Variants in NAPG observed in about 807,000 individuals in gnomAD.
The protein encoded by NAPG is NSF attachment protein gamma, also known as gamma-soluble NSF attachment protein.
NAPG carries 25 observed loss-of-function variants against 48.4 expected under a neutral mutation model. The ratio of observed to expected loss-of-function variants is 0.52; its 90% CI spans 0.38 to 0.72. The LOEUF is 0.72. Ranked by LOEUF, NAPG falls within the 30% of genes least tolerant of loss-of-function variation. The pLI, the probability that NAPG is intolerant of heterozygous loss-of-function variation, is 0.00. For synonymous variants in NAPG, 139 were observed against 127.2 expected, an observed-to-expected ratio of 1.09 and a Z score of -0.62; for missense variants, 359 against 372.5, an observed-to-expected ratio of 0.96 and a Z score of 0.30.
intron 1 of NAPG, 89 bp downstream of exon 1, chr18:10,526,247 A>AC: frequency 2.3e-6 from 1 of 427,578 alleles, no homozygotes; most frequent in Non-Finnish European, 4.5e-6. Flanking sequence ...GGCGGGAGGG[A>AC]GGGCTCAGGG....
chr18:10,531,773 T>G (rs1406325308), intron 2 of NAPG, among the ~76,000 whole-genome samples: 1 of 152,240 alleles, frequency 6.6e-6, no homozygotes, highest in Non-Finnish European at 1.5e-5. Context: ...TGAGGGAAAT[T>G]TAACACAGAT....
At chr18:10,527,460 C>G (rs924103997) in intron 1 of NAPG, among the ~76,000 whole-genome samples, 1 of 152,112 alleles carries the variant, frequency 6.6e-6, no homozygotes, top group Non-Finnish European at 1.5e-5. Context: ...CTGGGGCTCT[C>G]CTGGTGCAGG....
chr18:10,526,285 G>A, intron 1 of NAPG, 127 bp downstream of exon 1: 3 of 721,456 alleles, frequency 4.2e-6, no homozygotes, highest in Non-Finnish European at 6.8e-6. Context: ...GCTGGTGCCC[G>A]CAGGGCTGCC....
chr18:10,532,900 T>C (rs652521), intron 3 of NAPG, 105 bp downstream of exon 3: 332,559 of 963,414 alleles, frequency 0.35, 58,217 homozygotes, highest in East Asian at 0.46. Flanking sequence ...TAAAATGTTT[T>C]TAAATTAGAA....
chr18:10,538,378 C>T (rs1035974574), intron 5 of NAPG, among the ~76,000 whole-genome samples: 2 of 152,112 alleles, frequency 1.3e-5, no homozygotes, highest in Non-Finnish European at 2.9e-5. Flanking sequence ...CCTGCTGATG[C>T]CGTAGCTTTT....
rs377517840 is a variant in NAPG at position 10,537,847 on chromosome 18, C to A, written c.259-1915C>A. 1.4e-4 allele frequency among the ~76,000 whole-genome samples: 22 copies of A among 152,110 alleles called. No homozygotes were observed. The East Asian group carries it at 2.9e-3, about 20-fold the overall frequency. ...CTTATTTCATACAGTGTCTTTCAGT[C>A]TGTGTTATTGTTAGTTTCCATAGCT... On this transcript the variant is annotated intron_variant, in intron 5 of 11. Coordinates refer to ENST00000322897, the MANE Select transcript of NAPG (RefSeq NM_003826.3).
intron 8 of NAPG, among the ~76,000 whole-genome samples, chr18:10,540,973 A>G (rs1286626903): frequency 2.6e-5 from 4 of 152,338 alleles, no homozygotes; most frequent in South Asian, 2.1e-4. Flanking sequence ...AATATTTAAG[A>G]TAAACATCTC....
At position 10,539,919 on chromosome 18, in the gene NAPG, T is replaced by C; in HGVS notation, c.368+48T>C. On this transcript the variant is annotated intron_variant, in intron 6 of 11. Transcript: ENST00000322897. The surrounding 1 kb of genome is among the most constrained non-coding windows in gnomAD (Gnocchi z 4.7). ...TCTGCATAGAAGTCTTGTCTTTTTG[T>C]TTTAAAGAGGTCCCTGAAAAACAAG... The C allele has an allele frequency of 1.9e-6, 3 of 1,609,176 alleles. No individual in the cohort carries two copies. Among genetic ancestry groups the C allele is most frequent in the Non-Finnish European group, 1.7e-6 (2 of 1,176,320 alleles).
At chr18:10,545,293 C>T (rs2143139553) in intron 8 of NAPG, among the ~76,000 whole-genome samples, 1 of 152,234 alleles carries the variant, frequency 6.6e-6, no homozygotes, top group African/African-American at 2.4e-5. Flanking sequence ...GCCTGGGCAA[C>T]AGAGTGAGAC....
In NAPG at chr18:10,534,359, C is replaced by G. The variant is rs2031989831; in HGVS notation, c.228-107C>G. ...CTGAAGTGATATGTTGTGCATGAGCCCATTGTAATTGAAGTCACTTTCCTT... is the reference window on the plus strand; with the variant it reads ...CTGAAGTGATATGTTGTGCATGAGCGCATTGTAATTGAAGTCACTTTCCTT... On this transcript the variant is annotated intron_variant, in intron 4 of 11. Coordinates refer to ENST00000322897, the MANE Select transcript of NAPG (RefSeq NM_003826.3). The surrounding 1 kb of genome is among the most constrained non-coding windows in gnomAD (Gnocchi z 5.0). 2 of 800,656 alleles carry G rather than the reference C, an allele frequency of 2.5e-6. No homozygotes were observed. The highest frequency in any genetic ancestry group is 5.0e-5 in the East Asian group (2 of 40,356). The allele number at this position is 800,656 out of a possible 1,614,324, so 49.6% of individuals were successfully genotyped here.
intron 3 of NAPG, 113 bp downstream of exon 3, chr18:10,532,908 G>A (rs2031958722): frequency 1.1e-6 from 1 of 905,498 alleles, no homozygotes; most frequent in Admixed American, 3.0e-5. Context: ...TTTTAAATTA[G>A]AAAATGATTA....
Position 10,540,009 on chromosome 18 carries a change from A to G in NAPG, c.390A>G (p.Pro130=). ...RAGKLIENVD[P]EKAVQLYQQT... is the part of the protein sequence containing the mutation. ...TCAGGCTTATAGAAAATGTTGATCCAGAGAAGGCTGTACAGTTATATCAAC... is the reference window on the plus strand; with the variant it reads ...TCAGGCTTATAGAAAATGTTGATCCGGAGAAGGCTGTACAGTTATATCAAC... The change falls in exon 7 of 12, where the codon CCA becomes CCG. Residue 130 remains proline, a synonymous_variant. Transcript: ENST00000322897. 6.3e-7 allele frequency: 1 copy of G among 1,599,714 alleles called. No individual in the cohort carries two copies. Among genetic ancestry groups the G allele is most frequent in the Non-Finnish European group, 8.5e-7 (1 of 1,172,174 alleles).
In NAPG at chr18:10,544,480, G is replaced by T. The variant is rs769191275; in HGVS notation, c.507-1846G>T. Among the ~76,000 whole-genome samples the T allele has an allele frequency of 1.2e-4, 18 of 152,146 alleles. No individual in the cohort carries two copies. Among genetic ancestry groups the T allele is most frequent in the Admixed American group, 3.3e-4 (5 of 15,276 alleles). On this transcript the variant is annotated intron_variant, in intron 8 of 11. Transcript: ENST00000322897. The surrounding 1 kb of genome is among the most constrained non-coding windows in gnomAD (Gnocchi z 5.1). ...ATTCCTGTTTTCTTGTTGCCTGTTC[G>T]CCAGGAACTGCTCTCAGCTTTGAGT...
chr18:10,541,726 C>T (rs2032161974), intron 8 of NAPG, among the ~76,000 whole-genome samples: 1 of 152,190 alleles, frequency 6.6e-6, no homozygotes, highest in South Asian at 2.1e-4. Context: ...AAGCCCCTTA[C>T]TATAAGACCC....
rs2032268223 is a variant in NAPG, at chr18:10,546,437, C to T, written c.585+33C>T. 7.8e-7 allele frequency: 1 copy of T among 1,288,732 alleles called. No homozygotes were observed. The highest frequency in any genetic ancestry group is 1.5e-5 in the African/African-American group (1 of 66,562). 79.8% of individuals were successfully genotyped at this position (1,288,732 alleles called of 1,614,324 possible). A position where few individuals can be genotyped will look rare whatever the true frequency, so the allele number is the denominator to read the frequency against. ...TTGAAAGTGTTTGTTTTTGGTATTA[C>T]ATTAGATGATTTTTTATACTGGTAT... On this transcript the variant is annotated intron_variant, in intron 9 of 11. Coordinates refer to ENST00000322897, the MANE Select transcript of NAPG (RefSeq NM_003826.3). The surrounding 1 kb of genome is among the most constrained non-coding windows in gnomAD (Gnocchi z 4.0).
chr18:10,536,753 G>A lies in NAPG; in HGVS notation c.258+2257G>A, dbSNP rs2032041154. 4.6e-5 allele frequency among the ~76,000 whole-genome samples: 7 copies of A among 152,062 alleles called. No homozygotes were observed. In the South Asian group the frequency reaches 1.5e-3, roughly 32 times the overall value. On this transcript the variant is annotated intron_variant, in intron 5 of 11. Coordinates refer to ENST00000322897, the MANE Select transcript of NAPG (RefSeq NM_003826.3). Reference sequence around the variant, plus strand: ...GCTCTATCTACTGGGTAAAACTCATGACGAATAGTTCCTGTGGTTTTTTTA... The same window carrying A: ...GCTCTATCTACTGGGTAAAACTCATAACGAATAGTTCCTGTGGTTTTTTTA...
In NAPG at chr18:10,533,560, ATTC is replaced by A. The variant is rs1567888893; in HGVS notation, c.227+11_227+13del. 3 of 1,596,006 alleles carry A rather than the reference ATTC, an allele frequency of 1.9e-6. No homozygotes were observed. The highest frequency in any genetic ancestry group is 1.1e-5 in the South Asian group (1 of 86,986). ...GTCTTTTTCATGCTGCCAAGTAAGT[ATTC>A]TTCATGTTTTCATGTATTTGCAAAT... is the stretch of plus-strand genomic sequence containing the variant. On this transcript the variant is annotated splice_region_variant and intron_variant, in intron 4 of 11. Coordinates refer to ENST00000322897, the MANE Select transcript of NAPG (RefSeq NM_003826.3).
At position 10,542,898 on chromosome 18, in the gene NAPG, T is replaced by C. The variant is rs2032184517; in HGVS notation, c.506+2499T>C. On this transcript the variant is annotated intron_variant, in intron 8 of 11. Transcript: ENST00000322897. This position sits in a 1 kb window ranked among gnomAD's most constrained non-coding sequence, Gnocchi z 4.5. ...CTTGTTCCTTTTTAGAAAAGGCCTT[T>C]CCAGGCTGGGTGCAGTGGCTCATGC... Among the ~76,000 whole-genome samples the C allele has an allele frequency of 6.6e-6, 1 of 152,196 alleles. No individual in the cohort carries two copies.
In NAPG at chr18:10,544,760, A is replaced by G. The variant is rs1160009004; in HGVS notation, c.507-1566A>G. Among the ~76,000 whole-genome samples, 1 of 152,230 alleles carries G rather than the reference A, an allele frequency of 6.6e-6. No individual in the cohort carries two copies. Among genetic ancestry groups the G allele is most frequent in the Non-Finnish European group, 1.5e-5 (1 of 68,044 alleles). On this transcript the variant is annotated intron_variant, in intron 8 of 11. Coordinates refer to ENST00000322897, the MANE Select transcript of NAPG (RefSeq NM_003826.3). This position sits in a 1 kb window ranked among gnomAD's most constrained non-coding sequence, Gnocchi z 5.1. Reference sequence around the variant, plus strand: ...GAGGAAATGTTTACAAGGGGCAAGAATCGGGAGCACTCTTAGAATTCTGCT... The same window carrying G: ...GAGGAAATGTTTACAAGGGGCAAGAGTCGGGAGCACTCTTAGAATTCTGCT...
Sources: allele counts gnomAD v4.1 joint callset (sites outside exome capture counted in the v4.1 genomes callset), GRCh38; gene constraint gnomAD v4.1.1; non-coding constraint Gnocchi (gnomAD v3.1); transcripts MANE v1.5; gene names NCBI Gene and HGNC (gene_info 2026-07-23, HGNC 2026-07-21).